Variants in DNTT observed in about 807,000 individuals in gnomAD.
DNTT encodes the protein nucleosidetriphosphate:DNA deoxynucleotidylexotransferase.
Under a neutral mutation model 60.9 loss-of-function variants are expected in DNTT, and 47 were observed. The ratio of observed to expected loss-of-function variants is 0.77; its 90% CI spans 0.61 to 0.98. The LOEUF (loss-of-function observed/expected upper bound fraction) is 0.98. Among genes scored for constraint, DNTT ranks in the 50% least tolerant of loss-of-function variants. The probability of loss-of-function intolerance (pLI) is 0.00; values close to 1 mark genes in which losing one functional copy is unlikely to be tolerated. For synonymous variants in DNTT, 224 were observed against 221.2 expected, an observed-to-expected ratio of 1.01 and a Z score of -0.11; for missense variants, 665 against 627.5, an observed-to-expected ratio of 1.06 and a Z score of -0.64.
intron 1 of DNTT, among the ~76,000 whole-genome samples, chr10:96,316,368 A>G (rs1227878864): frequency 6.6e-6 from 1 of 151,682 alleles, no homozygotes; most frequent in Admixed American, 6.6e-5. Flanking sequence ...TAGTTCCGCA[A>G]CCCTCCCTAC....
intron 4 of DNTT, among the ~76,000 whole-genome samples, chr10:96,322,052 G>C (rs1844886877): frequency 6.6e-6 from 1 of 152,140 alleles, no homozygotes; most frequent in African/African-American, 2.4e-5. Context: ...TTGACATGAA[G>C]TGGAGGTGGT....
rs753451135 is a variant in DNTT, at chr10:96,338,160, G to A, written c.1466G>A (p.Ser489Asn). Residue 489 changes from serine to asparagine, a missense_variant, in exon 11 of 11, where the codon AGT becomes AAT. Physicochemically the swap from Ser to Asn is conservative, Grantham distance 46 (BLOSUM62 1). Transcript: ENST00000371174. Reference sequence around the variant, plus strand: ...CAGAGGATATTCCTCAAAGCAGAAAGTGAAGAAGAAATTTTTGCGCATCTG... The same window carrying A: ...CAGAGGATATTCCTCAAAGCAGAAAATGAAGAAGAAATTTTTGCGCATCTG... Reference protein sequence around the residue: ...KTKRIFLKAESEEEIFAHLGL... With the variant: ...KTKRIFLKAENEEEIFAHLGL... The A allele has an allele frequency of 1.2e-6, 2 of 1,613,326 alleles. No individual in the cohort carries two copies. The highest frequency in any genetic ancestry group is 2.2e-5 in the South Asian group (2 of 90,732).
In DNTT at chr10:96,327,570, C is replaced by T. The variant is rs1253320995; in HGVS notation, c.977C>T (p.Ala326Val). 1.2e-5 allele frequency: 19 copies of T among 1,613,836 alleles called. No homozygotes were observed. The highest frequency in any genetic ancestry group is 1.6e-5 in the Non-Finnish European group (19 of 1,179,950). Residue 326 changes from alanine (A) to valine (V), a missense_variant, in exon 7 of 11, where the codon GCT becomes GTT. By Grantham distance (64) the Ala-to-Val change is moderately conservative. Transcript: ENST00000371174. ...KEAVWAFLPD[A>V]FVTMTGGFRR... Reference sequence around the variant, plus strand: ...GCTGTCTGGGCATTTCTTCCGGATGCTTTCGTCACCATGACAGGAGGGTTC... The same window carrying T: ...GCTGTCTGGGCATTTCTTCCGGATGTTTTCGTCACCATGACAGGAGGGTTC...
In DNTT at chr10:96,322,698, GT is replaced by G; in HGVS notation, c.722del (p.Leu241Ter). On this transcript the variant is annotated frameshift_variant, in exon 5 of 11. Transcript: ENST00000371174. LOFTEE classifies it high-confidence loss of function. ...DGESSEVKAV[L>X]NDERYQSFKL... The stretch of plus-strand genomic sequence containing the variant: ...GAGAAAGTTCTGAAGTTAAAGCTGT[GT>G]TAAATGATGAACGATATCAATCCTT... 4 of 1,601,594 alleles carry G rather than the reference GT, an allele frequency of 2.5e-6. No homozygotes were observed. The highest frequency in any genetic ancestry group is 1.7e-5 in the Admixed American group (1 of 59,498).
intron 10 of DNTT, 47 bp from the exon 11 acceptor site, chr10:96,338,091 G>C (rs1175307776): frequency 6.5e-7 from 1 of 1,548,462 alleles, no homozygotes; most frequent in Non-Finnish European, 8.9e-7. Flanking sequence ...ACACCATGGT[G>C]CTTATGAAAA....
At chr10:96,307,840 C>T (rs572655597) in intron 1 of DNTT, among the ~76,000 whole-genome samples, 6 of 146,822 alleles carry the variant, frequency 4.1e-5, no homozygotes, top group East Asian at 2.0e-4. Flanking sequence ...GGTGCCATCT[C>T]GGCTCACTGC....
intron 1 of DNTT, among the ~76,000 whole-genome samples, chr10:96,312,464 G>T (rs1844730995): frequency 1.3e-5 from 2 of 152,206 alleles, no homozygotes; most frequent in South Asian, 2.1e-4. Flanking sequence ...ACCACATAAA[G>T]TTGCTTGGGT....
Position 96,310,697 on chromosome 10 carries a change from C to T in DNTT, c.203+5997C>T, listed in dbSNP as rs894574678. On this transcript the variant is annotated intron_variant, in intron 1 of 10. Coordinates refer to ENST00000371174, the MANE Select transcript of DNTT (RefSeq NM_004088.4). ...TACCCCTCTCTGACTCCACAAGCCA[C>T]GTGTAGACCTCAGCTACAGACTTAG... is the stretch of plus-strand genomic sequence containing the variant. Among the ~76,000 whole-genome samples, 15 of 152,146 alleles carry T rather than the reference C, an allele frequency of 9.9e-5. 1 individual carries two copies. Among genetic ancestry groups the T allele is most frequent in the African/African-American group, 3.6e-4 (15 of 41,430 alleles).
rs371243839 is a variant in DNTT at position 96,324,405 on chromosome 10, T to A, written c.874+16T>A. The stretch of plus-strand genomic sequence containing the variant: ...CAGAAAGCAGGTAAATTGTCTCTCC[T>A]AAAAGTCATTGTTGCTATGGGCTGG... On this transcript the variant is annotated intron_variant, in intron 6 of 10. Transcript: ENST00000371174. The A allele has an allele frequency of 4.2e-5, 67 of 1,613,366 alleles. No individual in the cohort carries two copies. The African/African-American group carries it at 6.4e-4, about 15-fold the overall frequency.
At chr10:96,315,397 T>C in intron 1 of DNTT, among the ~76,000 whole-genome samples, 1 of 152,210 alleles carries the variant, frequency 6.6e-6, no homozygotes, top group East Asian at 1.9e-4. Context: ...TTTGTTTGAC[T>C]TTTTGGTTTT....
At chr10:96,310,995 CA>C (rs959337050) in intron 1 of DNTT, among the ~76,000 whole-genome samples, 1 of 152,006 alleles carries the variant, frequency 6.6e-6, no homozygotes, top group Non-Finnish European at 1.5e-5. Flanking sequence ...TTTAAATTAA[CA>C]AAAAATTTCT....
In DNTT at chr10:96,318,484, A is replaced by G; in HGVS notation, c.336A>G (p.Arg112=). The G allele has an allele frequency of 6.2e-7, 1 of 1,613,776 alleles. No homozygotes were observed. The highest frequency in any genetic ancestry group is 2.2e-5 in the East Asian group (1 of 44,868). The change falls in exon 2 of 11, where the codon AGA becomes AGG. Residue 112 remains arginine, a synonymous_variant. Transcript: ENST00000371174. ...LDVSWLIECI[R]AGKPVEMTGK... is the part of the protein sequence containing the mutation. ...TCTCCTGGCTGATCGAATGCATAAGAGCAGGGAAACCGGTGGAAATGACAG... is the reference window on the plus strand; with the variant it reads ...TCTCCTGGCTGATCGAATGCATAAGGGCAGGGAAACCGGTGGAAATGACAG...
At chr10:96,335,815 C>T in intron 9 of DNTT, 76 bp from the exon 10 acceptor site, 3 of 1,493,802 alleles carry the variant, frequency 2.0e-6, no homozygotes, top group South Asian at 2.3e-5. Flanking sequence ...ACATATTTCA[C>T]TAGAGGGATG....
chr10:96,320,810 T>C, intron 4 of DNTT, 22 bp downstream of exon 4: 2 of 1,611,830 alleles, frequency 1.2e-6, no homozygotes, highest in Non-Finnish European at 1.7e-6. Context: ...ATGGGATTTG[T>C]CCCACTTCCC....
chr10:96,327,329 GTC>G, intron 6 of DNTT, 137 bp from the exon 7 acceptor site: 2 of 1,285,058 alleles, frequency 1.6e-6, no homozygotes, highest in South Asian at 2.4e-5. Context: ...GGACTATTCT[GTC>G]TCTGTGGGAA....
chr10:96,308,611 G>C (rs1038343827), intron 1 of DNTT, among the ~76,000 whole-genome samples: 2 of 152,184 alleles, frequency 1.3e-5, no homozygotes, highest in Non-Finnish European at 1.5e-5. Context: ...TCCATGTGAA[G>C]AGACCACCAA....
rs770044422 is a variant in DNTT, at chr10:96,338,193, A to T, written c.1499A>T (p.Asp500Val). The change falls in exon 11 of 11, where the codon GAT becomes GTT. Residue 500 changes from aspartate (D) to valine (V), a missense_variant. Coordinates refer to ENST00000371174, the MANE Select transcript of DNTT (RefSeq NM_004088.4). Reference sequence around the variant, plus strand: ...GAAATTTTTGCGCATCTGGGATTGGATTATATTGAACCGTGGGAAAGAAAT... The same window carrying T: ...GAAATTTTTGCGCATCTGGGATTGGTTTATATTGAACCGTGGGAAAGAAAT... Reference protein sequence around the residue: ...EEEIFAHLGLDYIEPWERNA With the variant: ...EEEIFAHLGLVYIEPWERNA 2.5e-6 allele frequency: 4 copies of T among 1,613,432 alleles called. No homozygotes were observed. The highest frequency in any genetic ancestry group is 1.7e-5 in the Admixed American group (1 of 59,878).
At chr10:96,314,479 C>T (rs1160404135) in intron 1 of DNTT, among the ~76,000 whole-genome samples, 1 of 126,714 alleles carries the variant, frequency 7.9e-6, no homozygotes, top group Non-Finnish European at 1.6e-5. Flanking sequence ...GTGGCACAAT[C>T]TCAACTCACT....
chr10:96,320,864 A>G (rs1018317303), intron 4 of DNTT, 76 bp downstream of exon 4: 2 of 1,557,874 alleles, frequency 1.3e-6, no homozygotes, highest in African/African-American at 2.7e-5. Flanking sequence ...TAGCTAACAG[A>G]TTTTCCTGTC....
Sources: gnomAD v4.1 joint callset for allele counts (sites outside exome capture counted in the v4.1 genomes callset) on GRCh38, gnomAD v4.1.1 for gene constraint, MANE v1.5 for transcripts, NCBI Gene and HGNC (gene_info 2026-07-23, HGNC 2026-07-21) for gene names.